CCDC141: variants seen among roughly 807,000 people sequenced by gnomAD.
The protein encoded by CCDC141 is coiled-coil domain-containing protein 141.
CCDC141 carries 168 observed loss-of-function variants against 181.0 expected under a neutral mutation model. The ratio of observed to expected loss-of-function variants is 0.93; its 90% CI spans 0.82 to 1.05. The LOEUF (loss-of-function observed/expected upper bound fraction) is 1.05. CCDC141 is among the 50% of genes least tolerant of loss of function. CCDC141 has a pLI of 0.00. For missense variants in CCDC141, 1,902 were observed against 1,788.5 expected (o/e 1.06, Z -1.14); for synonymous variants, 666 against 642.3 (o/e 1.04, Z -0.56).
chr2:178,981,894 T>A (rs1691429796), intron 2 of CCDC141, among the ~76,000 whole-genome samples: 1 of 150,712 alleles, frequency 6.6e-6, no homozygotes, highest in Admixed American at 6.6e-5. Flanking sequence ...AAATCCCTAG[T>A]CAGGCTAATC....
chr2:178,952,717 T>G (rs563344945), intron 5 of CCDC141, among the ~76,000 whole-genome samples: 2 of 152,254 alleles, frequency 1.3e-5, no homozygotes, highest in Non-Finnish European at 2.9e-5. Flanking sequence ...TATACCAAAA[T>G]GAAATTCTGT....
At position 178,831,332 on chromosome 2, in the gene CCDC141, CA is replaced by C. The variant is rs1294343239; in HGVS notation, c.*2840del. Reference sequence around the variant, plus strand: ...TTTGTTTTGCAGTTCTTCAAAGTATCAAGTATTTATAATTTGTTTAAGAGTT... The same window carrying C: ...TTTGTTTTGCAGTTCTTCAAAGTATCAGTATTTATAATTTGTTTAAGAGTT... On this transcript the variant is annotated 3_prime_UTR_variant, in exon 24 of 24. Coordinates refer to ENST00000443758, the MANE Select transcript of CCDC141 (RefSeq NM_173648.4). 6.6e-6 allele frequency: 1 copy of C among 152,088 alleles called. No individual in the cohort carries two copies. Among genetic ancestry groups the C allele is most frequent in the Non-Finnish European group, 1.5e-5 (1 of 68,012 alleles). 9.4% of individuals were successfully genotyped at this position (152,088 alleles called of 1,614,324 possible). A position where few individuals can be genotyped will look rare whatever the true frequency, so the allele number is the denominator to read the frequency against.
chr2:179,014,584 A>G (rs1437167794), intron 2 of CCDC141, among the ~76,000 whole-genome samples: 6 of 152,010 alleles, frequency 3.9e-5, no homozygotes, highest in Admixed American at 1.3e-4. Context: ...AGAAAAAAAC[A>G]AACAATCCCA....
intron 8 of CCDC141, among the ~76,000 whole-genome samples, chr2:178,899,967 T>C (rs780023749): frequency 1.3e-5 from 2 of 152,158 alleles, no homozygotes; most frequent in Non-Finnish European, 2.9e-5. Flanking sequence ...CAACTGACAG[T>C]CTAATGCATT....
At chr2:178,905,270 C>A in intron 8 of CCDC141, 59 bp downstream of exon 8, 2 of 1,398,838 alleles carry the variant, frequency 1.4e-6, no homozygotes, top group South Asian at 1.4e-5. Context: ...TTATTTTTAG[C>A]ACGTTGTGGA....
chr2:178,994,389 T>A (rs994910519), intron 2 of CCDC141, among the ~76,000 whole-genome samples: 1 of 152,222 alleles, frequency 6.6e-6, no homozygotes, highest in Non-Finnish European at 1.5e-5. Flanking sequence ...CTTCTGAAGC[T>A]ACAGCCCAAG....
intron 4 of CCDC141, 36 bp downstream of exon 4, chr2:178,975,021 C>G (rs1296935445): frequency 2.7e-6 from 3 of 1,094,132 alleles, no homozygotes; most frequent in Admixed American, 4.7e-5. Context: ...TTTAAAACCT[C>G]TAAACACTTC....
chr2:178,853,347 C>T, intron 20 of CCDC141, 94 bp downstream of exon 20: 1 of 1,143,004 alleles, frequency 8.7e-7, no homozygotes, highest in Non-Finnish European at 1.3e-6. Flanking sequence ...GCTGAGGACC[C>T]TGAGGACTTG....
intron 2 of CCDC141, among the ~76,000 whole-genome samples, chr2:179,041,823 T>C (rs1001268149): frequency 6.6e-6 from 1 of 152,024 alleles, no homozygotes; most frequent in Non-Finnish European, 1.5e-5. Flanking sequence ...AAGAAGAGCA[T>C]TGCATAAAGG....
rs1358803537 is a variant in CCDC141 at position 178,833,158 on chromosome 2, T to C, written c.*1015A>G. ...GAAGATTACATATTAACAGCACTCC[T>C]TTAATTTAATATTCTAAAAAAACAG... On this transcript the variant is annotated 3_prime_UTR_variant, in exon 24 of 24. Transcript: ENST00000443758. The C allele has an allele frequency of 6.6e-6, 1 of 152,156 alleles. No homozygotes were observed. The highest frequency in any genetic ancestry group is 2.4e-5 in the African/African-American group (1 of 41,448). 9.4% of individuals were successfully genotyped at this position (152,156 alleles called of 1,614,324 possible). A position where few individuals can be genotyped will look rare whatever the true frequency, so the allele number is the denominator to read the frequency against.
intron 7 of CCDC141, among the ~76,000 whole-genome samples, chr2:178,916,804 C>G (rs1036424775): frequency 3.3e-5 from 5 of 152,076 alleles, no homozygotes; most frequent in African/African-American, 1.2e-4. Context: ...AGTTAGCATG[C>G]CATGGCTTTC....
intron 2 of CCDC141, among the ~76,000 whole-genome samples, chr2:178,991,820 T>C (rs1374301214): frequency 6.6e-6 from 1 of 151,898 alleles, no homozygotes; most frequent in Non-Finnish European, 1.5e-5. Flanking sequence ...TTATGTATCA[T>C]TTAAAATATT....
intron 7 of CCDC141, 42 bp from the exon 8 acceptor site, chr2:178,905,543 TA>T (rs1687925054): frequency 6.6e-7 from 1 of 1,509,414 alleles, no homozygotes. Flanking sequence ...TTCTCTAGTT[TA>T]AAATCTACAT....
chr2:178,961,156 C>A, intron 5 of CCDC141, 74 bp downstream of exon 5: 1 of 1,465,836 alleles, frequency 6.8e-7, no homozygotes, highest in Non-Finnish European at 9.2e-7. Context: ...GACAAACTGC[C>A]CCAGGGAATG....
intron 2 of CCDC141, among the ~76,000 whole-genome samples, chr2:179,002,939 C>T (rs970887875): frequency 9.9e-5 from 15 of 152,014 alleles, no homozygotes; most frequent in Admixed American, 2.6e-4. Flanking sequence ...TTTTTGTGAA[C>T]TCAAAATAGT....
At chr2:179,023,682 C>T (rs1361125253) in intron 2 of CCDC141, among the ~76,000 whole-genome samples, 1 of 152,092 alleles carries the variant, frequency 6.6e-6, no homozygotes, top group Non-Finnish European at 1.5e-5. Flanking sequence ...CAATCTCTGT[C>T]CTGAGGAAAA....
intron 3 of CCDC141, among the ~76,000 whole-genome samples, chr2:178,977,974 T>A (rs909389538): frequency 6.6e-6 from 1 of 152,186 alleles, no homozygotes; most frequent in Admixed American, 6.5e-5. Context: ...GTTCAAACTA[T>A]GGAAAATCAA....
the CCDC141 span, among the ~76,000 whole-genome samples, chr2:178,817,329 A>G: frequency 1.3e-5 from 2 of 152,200 alleles, no homozygotes; most frequent in African/African-American, 2.4e-5. Flanking sequence ...TAAATATTTC[A>G]TTCATTTATG....
At position 178,968,991 on chromosome 2, in the gene CCDC141, G is replaced by A. The variant is rs554438031; in HGVS notation, c.526+6066C>T. Among the ~76,000 whole-genome samples, 4 of 149,428 alleles carry A rather than the reference G, an allele frequency of 2.7e-5. No homozygotes were observed. In the South Asian group the frequency reaches 8.5e-4, roughly 32 times the overall value. ...TAAACTAGAAAATCTAGAAGAAATG[G>A]ATAAATTCCTGGACACATACACTCT... On this transcript the variant is annotated intron_variant, in intron 4 of 23. Coordinates refer to ENST00000443758, the MANE Select transcript of CCDC141 (RefSeq NM_173648.4).
Sources: allele counts gnomAD v4.1 joint callset (sites outside exome capture counted in the v4.1 genomes callset), GRCh38; gene constraint gnomAD v4.1.1; transcripts MANE v1.5; gene names NCBI Gene and HGNC (gene_info 2026-07-23, HGNC 2026-07-21).